The following MBOAT2 variants were observed in gnomAD, a reference collection of about 807,000 sequenced individuals.
MBOAT2 encodes membrane bound glycerophospholipid O-acyltransferase 2.
Under a neutral mutation model 63.4 loss-of-function variants are expected in MBOAT2, and 28 were observed. The observed-to-expected ratio is 0.44, with a 90% confidence interval of 0.33 to 0.61. The LOEUF (loss-of-function observed/expected upper bound fraction) is 0.61. Ranked by LOEUF, MBOAT2 falls within the 20% of genes least tolerant of loss-of-function variation. The probability of loss-of-function intolerance (pLI) is 0.03; values close to 1 mark genes in which losing one functional copy is unlikely to be tolerated. For synonymous variants in MBOAT2, 211 were observed against 215.6 expected (o/e 0.98, Z 0.19); for missense variants, 470 against 605.8 (o/e 0.78, Z 2.35).
At position 8,912,299 on chromosome 2, in the gene MBOAT2, A is replaced by AAAGAAAG. The variant is rs71387298; in HGVS notation, c.300-3584_300-3583insCTTTCTT. Reference sequence around the variant, plus strand: ...ACAGAAAGACAGAAGGAAAAGAAAGAAAAGAAAGAAAGAAAGAAAGAAAGA... The same window carrying AAAGAAAG: ...ACAGAAAGACAGAAGGAAAAGAAAGAAAGAAAGAAAGAAAGAAAGAAAGAAAGAAAGA... On this transcript the variant is annotated intron_variant, in intron 3 of 12. Coordinates refer to ENST00000305997, the MANE Select transcript of MBOAT2 (RefSeq NM_138799.4). Among the ~76,000 whole-genome samples the AAAGAAAG allele has an allele frequency of 8.5e-3, 399 of 46,898 alleles. 10 individuals carry two copies. Among genetic ancestry groups the AAAGAAAG allele is most frequent in the South Asian group, 9.3e-3 (10 of 1,078 alleles). The allele number at this position is 46,898 out of a possible 152,430, so 30.8% of individuals were successfully genotyped here.
intron 4 of MBOAT2, among the ~76,000 whole-genome samples, chr2:8,892,084 A>C (rs564824750): frequency 2.6e-5 from 4 of 152,306 alleles, no homozygotes; most frequent in Non-Finnish European, 5.9e-5. Context: ...ATTTGGTTCT[A>C]TTACACAGTA....
At chr2:8,990,914 A>G (rs898822082) in intron 1 of MBOAT2, among the ~76,000 whole-genome samples, 5 of 152,222 alleles carry the variant, frequency 3.3e-5, no homozygotes, top group Admixed American at 6.5e-5. Context: ...TTATAAGCTT[A>G]TACTAAGGAC....
At chr2:8,952,268 T>C (rs1238793363) in intron 2 of MBOAT2, among the ~76,000 whole-genome samples, 2 of 152,228 alleles carry the variant, frequency 1.3e-5, no homozygotes, top group African/African-American at 2.4e-5. Context: ...TTTTATTCAA[T>C]TGTGGTCCAA....
chr2:8,872,192 C>T (rs1662375337), intron 8 of MBOAT2, among the ~76,000 whole-genome samples: 1 of 152,232 alleles, frequency 6.6e-6, no homozygotes, highest in Non-Finnish European at 1.5e-5. Context: ...ACCTCCATGT[C>T]TCTTTGCTCA....
chr2:8,963,729 A>C (rs1007078558), intron 1 of MBOAT2, among the ~76,000 whole-genome samples: 24 of 152,246 alleles, frequency 1.6e-4, no homozygotes, highest in African/African-American at 5.8e-4. Context: ...TAGAAGAAAA[A>C]TCCAAACTAT....
chr2:8,909,985 C>T (rs1460302065), intron 3 of MBOAT2, among the ~76,000 whole-genome samples: 2 of 152,168 alleles, frequency 1.3e-5, no homozygotes, highest in Non-Finnish European at 2.9e-5. Flanking sequence ...TGTGGGCTGG[C>T]CTTCTAACTG....
intron 3 of MBOAT2, among the ~76,000 whole-genome samples, chr2:8,940,641 C>T (rs978555509): frequency 6.6e-6 from 1 of 152,034 alleles, no homozygotes; most frequent in Non-Finnish European, 1.5e-5. Flanking sequence ...TAAAACATAC[C>T]ATAGAGGCAT....
intron 5 of MBOAT2, among the ~76,000 whole-genome samples, chr2:8,883,525 C>G (rs1049010246): frequency 6.6e-6 from 1 of 152,126 alleles, no homozygotes; most frequent in African/African-American, 2.4e-5. Context: ...AAAATAATTA[C>G]TGTCTTAAAA....
intron 1 of MBOAT2, among the ~76,000 whole-genome samples, chr2:8,989,352 A>T (rs1024548185): frequency 1.3e-5 from 2 of 152,222 alleles, no homozygotes; most frequent in African/African-American, 4.8e-5. Context: ...TCATTGGCTC[A>T]ACAGGATAAT....
At chr2:8,960,727 T>A (rs879878148) in intron 1 of MBOAT2, among the ~76,000 whole-genome samples, 1 of 152,214 alleles carries the variant, frequency 6.6e-6, no homozygotes, top group Non-Finnish European at 1.5e-5. Context: ...AACATTGTCA[T>A]CGTTCAGATA....
chr2:8,872,163 C>G (rs1412382436), intron 8 of MBOAT2, among the ~76,000 whole-genome samples: 6 of 152,234 alleles, frequency 3.9e-5, no homozygotes, highest in Non-Finnish European at 8.8e-5. Context: ...CTGCTAACAT[C>G]TGCCACGCAA....
chr2:8,913,372 AG>A (rs1665927590), intron 3 of MBOAT2, among the ~76,000 whole-genome samples: 1 of 152,244 alleles, frequency 6.6e-6, no homozygotes, highest in African/African-American at 2.4e-5. Flanking sequence ...GCATGGCAAA[AG>A]GAACAGTCAG....
At chr2:8,972,226 C>T (rs1670507351) in intron 1 of MBOAT2, among the ~76,000 whole-genome samples, 1 of 152,064 alleles carries the variant, frequency 6.6e-6, no homozygotes, top group Non-Finnish European at 1.5e-5. Context: ...CATCTACAAC[C>T]ATCTGATCTT....
At chr2:8,897,438 G>A (rs1478722758) in intron 4 of MBOAT2, among the ~76,000 whole-genome samples, 4 of 152,164 alleles carry the variant, frequency 2.6e-5, no homozygotes, top group African/African-American at 4.8e-5. Context: ...TGGAGGGAAC[G>A]TTCCCCCAGA....
chr2:8,945,982 TAGAG>T (rs567002872), intron 2 of MBOAT2, among the ~76,000 whole-genome samples: 1 of 152,168 alleles, frequency 6.6e-6, no homozygotes. Flanking sequence ...GCTCCCAGTC[TAGAG>T]AGAAAGACAA....
intron 3 of MBOAT2, among the ~76,000 whole-genome samples, chr2:8,929,878 C>G (rs375895633): frequency 1.3e-5 from 2 of 152,152 alleles, no homozygotes; most frequent in Non-Finnish European, 2.9e-5. Flanking sequence ...TAATATTGAA[C>G]ACATATGCTT....
Position 8,888,170 on chromosome 2 carries a change from CA to C in MBOAT2, c.396-98del, listed in dbSNP as rs1572968713. Reference sequence around the variant, plus strand: ...AGAGTTTATTCTGCTTTTATCACTACAAATCCTGAAATTTTTAACATAAAAA... The same window carrying C: ...AGAGTTTATTCTGCTTTTATCACTACAATCCTGAAATTTTTAACATAAAAA... On this transcript the variant is annotated intron_variant, in intron 4 of 12. Coordinates refer to ENST00000305997, the MANE Select transcript of MBOAT2 (RefSeq NM_138799.4). The C allele has an allele frequency of 4.9e-5, 56 of 1,136,246 alleles. No individual in the cohort carries two copies. In the East Asian group the frequency reaches 1.4e-3, roughly 28 times the overall value. 70.4% of individuals were successfully genotyped at this position (1,136,246 alleles called of 1,614,324 possible). A position where few individuals can be genotyped will look rare whatever the true frequency, so the allele number is the denominator to read the frequency against.
At chr2:8,908,926 T>G (rs1032360299) in intron 3 of MBOAT2, among the ~76,000 whole-genome samples, 2 of 152,214 alleles carry the variant, frequency 1.3e-5, no homozygotes, top group African/African-American at 4.8e-5. Context: ...GGTAAATTCA[T>G]TTTATTCATT....
At chr2:8,985,313 T>C (rs1029418827) in intron 1 of MBOAT2, among the ~76,000 whole-genome samples, 1 of 152,168 alleles carries the variant, frequency 6.6e-6, no homozygotes, top group Non-Finnish European at 1.5e-5. Context: ...TCGAATCAAA[T>C]TACCACAGGT....
Sources: allele counts gnomAD v4.1 joint callset (sites outside exome capture counted in the v4.1 genomes callset), GRCh38; gene constraint gnomAD v4.1.1; transcripts MANE v1.5; gene names NCBI Gene and HGNC (gene_info 2026-07-23, HGNC 2026-07-21).